Variants in MICALL1 observed in about 807,000 individuals in gnomAD.
MICALL1 encodes MICAL like 1.
Under a neutral mutation model 83.7 loss-of-function variants are expected in MICALL1, and 61 were observed. That is an observed-to-expected ratio of 0.73 (90% CI 0.59 to 0.90). The LOEUF (loss-of-function observed/expected upper bound fraction) is 0.90, where lower values mean the gene tolerates loss of function less well. Among genes scored for constraint, MICALL1 ranks in the 40% least tolerant of loss-of-function variants. The pLI is 0.00. For missense variants in MICALL1, 1,066 were observed against 1,152.0 expected (o/e 0.93, Z 1.08); for synonymous variants, 481 against 473.6 (o/e 1.02, Z -0.20).
At chr22:37,940,647 A>G (rs1288169303) in intron 15 of MICALL1, 62 bp from the exon 16 acceptor site, 2 of 1,595,906 alleles carry the variant, frequency 1.3e-6, no homozygotes, top group Non-Finnish European at 1.7e-6. Context: ...CACTGGGTCT[A>G]GCCTGCCCTG....
intron 3 of MICALL1, among the ~76,000 whole-genome samples, chr22:37,914,106 C>T (rs1394652163): frequency 6.6e-6 from 1 of 151,878 alleles, no homozygotes; most frequent in Middle Eastern, 3.2e-3. Context: ...AAACTCCTGA[C>T]CTCAGGCGAT....
chr22:37,910,242 C>G (rs1928232997), intron 1 of MICALL1, among the ~76,000 whole-genome samples: 1 of 152,194 alleles, frequency 6.6e-6, no homozygotes, highest in Non-Finnish European at 1.5e-5. Flanking sequence ...AACATTGATT[C>G]ATTCAACAAA....
At chr22:37,925,526 G>C in intron 7 of MICALL1, 135 bp from the exon 8 acceptor site, 2 of 632,288 alleles carry the variant, frequency 3.2e-6, no homozygotes, top group Non-Finnish European at 5.6e-6. Flanking sequence ...CTGTCCCCAT[G>C]GGGATGGGGG....
chr22:37,919,247 G>A, intron 5 of MICALL1, 69 bp downstream of exon 5: 1 of 1,418,636 alleles, frequency 7.0e-7, no homozygotes, highest in Non-Finnish European at 9.3e-7. Flanking sequence ...AGCACACACA[G>A]TGCGCCAGGC....
Position 37,924,864 on chromosome 22 carries a change from C to G in MICALL1, c.1082+147C>G. The G allele has an allele frequency of 1.4e-6, 1 of 711,210 alleles. No individual in the cohort carries two copies. 44.1% of individuals were successfully genotyped at this position (711,210 alleles called of 1,614,324 possible). On this transcript the variant is annotated intron_variant, in intron 7 of 15. Transcript: ENST00000215957. The surrounding 1 kb of genome is among the most constrained non-coding windows in gnomAD (Gnocchi z 5.2). Reference sequence around the variant, plus strand: ...AAGGAGAGCTGGGCCCACACCCCTTCTCCTGAGGCTCACCCCGGGATTCCT... The same window carrying G: ...AAGGAGAGCTGGGCCCACACCCCTTGTCCTGAGGCTCACCCCGGGATTCCT...
chr22:37,912,237 A>G (rs1309605298), intron 2 of MICALL1, 114 bp from the exon 3 acceptor site: 1 of 1,330,250 alleles, frequency 7.5e-7, no homozygotes, highest in Non-Finnish European at 1.0e-6. Flanking sequence ...AGGGGAGCCC[A>G]CAGTCACCCC....
chr22:37,927,879 G>A, intron 9 of MICALL1, 53 bp downstream of exon 9: 1 of 1,517,170 alleles, frequency 6.6e-7, no homozygotes, highest in Non-Finnish European at 8.8e-7. Flanking sequence ...GTGGATGCGG[G>A]TCTGGTCTCA....
intron 15 of MICALL1, among the ~76,000 whole-genome samples, chr22:37,939,389 A>T (rs746672206): frequency 6.6e-6 from 1 of 152,212 alleles, no homozygotes; most frequent in Non-Finnish European, 1.5e-5. Flanking sequence ...AGGGGCTCAG[A>T]CAGATGATTT....
Position 37,922,022 on chromosome 22 carries a change from C to T in MICALL1, c.620C>T (p.Pro207Leu), listed in dbSNP as rs35980030. Residue 207 changes from proline to leucine, a missense_variant, in exon 6 of 16, where the codon CCT (proline) becomes CTT (leucine). Coordinates refer to ENST00000215957, the MANE Select transcript of MICALL1 (RefSeq NM_033386.4). Reference sequence around the variant, plus strand: ...CTCCCTGGGGCTTATGAGAATGGGCCTGAGGAGGGCACCTTTGTGTGTGCA... The same window carrying T: ...CTCCCTGGGGCTTATGAGAATGGGCTTGAGGAGGGCACCTTTGTGTGTGCA... ...TLLPGAYENG[P>L]EEGTFVCAEH... 1,050 of 1,611,040 alleles carry T rather than the reference C, an allele frequency of 6.5e-4. 7 individuals carry two copies. The African/African-American group carries it at 0.013, about 20-fold the overall frequency.
At chr22:37,912,201 G>T (rs1307212176) in intron 2 of MICALL1, 150 bp from the exon 3 acceptor site, 1 of 1,127,388 alleles carries the variant, frequency 8.9e-7, no homozygotes, top group East Asian at 2.5e-5. Context: ...AGGCCATCCT[G>T]TGGTGCTTGG....
At chr22:37,923,916 C>CA (rs1929255535) in intron 6 of MICALL1, among the ~76,000 whole-genome samples, 1 of 152,142 alleles carries the variant, frequency 6.6e-6, no homozygotes, top group South Asian at 2.1e-4. Context: ...GTGTGAGCTG[C>CA]AGTGGAGACC....
At chr22:37,928,619 C>T (rs150152188) in intron 9 of MICALL1, among the ~76,000 whole-genome samples, 7 of 152,212 alleles carry the variant, frequency 4.6e-5, no homozygotes, top group African/African-American at 1.7e-4. Flanking sequence ...GTCCATGCTT[C>T]CATCCATCTG....
intron 7 of MICALL1, among the ~76,000 whole-genome samples, 197 bp from the exon 8 acceptor site, chr22:37,925,463 AG>A (rs910430404): frequency 5.3e-5 from 8 of 152,250 alleles, no homozygotes; most frequent in African/African-American, 1.9e-4. Flanking sequence ...TGTGACTTGA[AG>A]GTTCACATTC....
In MICALL1 at chr22:37,925,998, A is replaced by G. The variant is rs571340987; in HGVS notation, c.1420A>G (p.Thr474Ala). ...CATCACCCCTACCAGCAGCCCCAAG[A>G]CAAAGAAGCGCCCTGCCCCGCGCGC... ...YGITPTSSPK[T>A]KKRPAPRAPS... is the part of the protein sequence containing the mutation. The change falls in exon 8 of 16, where the codon ACA (threonine) becomes GCA (alanine). Residue 474 changes from threonine (T) to alanine (A), a missense_variant. By Grantham distance (58) the Thr-to-Ala change is moderately conservative (BLOSUM62 0). Transcript: ENST00000215957. 6.2e-7 allele frequency: 1 copy of G among 1,613,288 alleles called. No homozygotes were observed. The highest frequency in any genetic ancestry group is 8.5e-7 in the Non-Finnish European group (1 of 1,179,726).
chr22:37,925,893 C>T lies in MICALL1; in HGVS notation c.1315C>T (p.Pro439Ser). 6.2e-7 allele frequency: 1 copy of T among 1,612,742 alleles called. No individual in the cohort carries two copies. Among genetic ancestry groups the T allele is most frequent in the Non-Finnish European group, 8.5e-7 (1 of 1,179,478 alleles). Residue 439 changes from proline to serine, a missense_variant, in exon 8 of 16, where the codon CCA (proline) becomes TCA (serine). Physicochemically the swap from Pro to Ser is moderately conservative, Grantham distance 74. Transcript: ENST00000215957. ...EEEEDKEEEA[P>S]AAPSLATSPA... ...GGAGGAGGACAAGGAGGAAGAGGCTCCAGCTGCACCCAGCCTGGCCACCAG... is the reference window on the plus strand; with the variant it reads ...GGAGGAGGACAAGGAGGAAGAGGCTTCAGCTGCACCCAGCCTGGCCACCAG...
At chr22:37,928,475 C>G (rs913114445) in intron 9 of MICALL1, among the ~76,000 whole-genome samples, 3 of 152,214 alleles carry the variant, frequency 2.0e-5, no homozygotes, top group Non-Finnish European at 2.9e-5. Flanking sequence ...CAAAGTGCTG[C>G]AATTACAGGC....
Position 37,924,654 on chromosome 22 carries a change from A to G in MICALL1, c.1025-6A>G, listed in dbSNP as rs1360788656. On this transcript the variant is annotated splice_region_variant and splice_polypyrimidine_tract_variant and intron_variant, in intron 6 of 15. Coordinates refer to ENST00000215957, the MANE Select transcript of MICALL1 (RefSeq NM_033386.4). This position sits in a 1 kb window ranked among gnomAD's most constrained non-coding sequence, Gnocchi z 5.2. The stretch of plus-strand genomic sequence containing the variant: ...AAGGCCTGGCTCACTCTCCTTTCCC[A>G]TCTAGGGAGACTGCACGAACTGCCT... 6.2e-6 allele frequency: 10 copies of G among 1,611,356 alleles called. No individual in the cohort carries two copies. The Admixed American group carries it at 1.0e-4, about 16-fold the overall frequency.
chr22:37,915,561 A>T (rs1378317126), intron 3 of MICALL1, among the ~76,000 whole-genome samples: 4 of 152,098 alleles, frequency 2.6e-5, no homozygotes, highest in Non-Finnish European at 5.9e-5. Flanking sequence ...GAGGATAGGA[A>T]TAACACCCAT....
intron 5 of MICALL1, among the ~76,000 whole-genome samples, chr22:37,920,050 C>T (rs1928928402): frequency 6.6e-6 from 1 of 151,948 alleles, no homozygotes; most frequent in Non-Finnish European, 1.5e-5. Flanking sequence ...GTCTCAACCT[C>T]CTTGGCTCAA....
Sources: allele counts gnomAD v4.1 joint callset (sites outside exome capture counted in the v4.1 genomes callset), GRCh38; gene constraint gnomAD v4.1.1; non-coding constraint Gnocchi (gnomAD v3.1); transcripts MANE v1.5; gene names NCBI Gene and HGNC (gene_info 2026-07-23, HGNC 2026-07-21).